FAM168A: variants seen among roughly 807,000 people sequenced by gnomAD.
The protein encoded by FAM168A is family with sequence similarity 168 member A.
Under a neutral mutation model 28.5 loss-of-function variants are expected in FAM168A, and 3 were observed. That is an observed-to-expected ratio of 0.11 (90% confidence interval 0.05 to 0.27). The LOEUF (loss-of-function observed/expected upper bound fraction) is 0.27. Ranked by LOEUF, FAM168A falls within the 10% of genes least tolerant of loss-of-function variation. The pLI is 1.00. For synonymous variants in FAM168A, 122 were observed against 124.2 expected (o/e 0.98, Z 0.12); for missense variants, 222 against 311.5 (o/e 0.71, Z 2.16).
At chr11:73,592,439 A>G (rs543312589) in intron 1 of FAM168A, among the ~76,000 whole-genome samples, 8 of 152,246 alleles carry the variant, frequency 5.3e-5, no homozygotes, top group Non-Finnish European at 1.0e-4. Context: ...AAAATAGAGA[A>G]AGAAATATGA....
intron 1 of FAM168A, among the ~76,000 whole-genome samples, chr11:73,561,902 C>T (rs79915238): frequency 0.078 from 11,830 of 151,976 alleles, 548 homozygotes; most frequent in Non-Finnish European, 0.11. Flanking sequence ...AATTTCAATT[C>T]TGCAATCTTA....
intron 1 of FAM168A, among the ~76,000 whole-genome samples, chr11:73,506,756 G>C (rs1263112630): frequency 6.6e-6 from 1 of 152,100 alleles, no homozygotes; most frequent in Non-Finnish European, 1.5e-5. Flanking sequence ...TAATGAAACA[G>C]TATTCTGCAC....
intron 1 of FAM168A, among the ~76,000 whole-genome samples, chr11:73,496,110 C>T (rs1854867794): frequency 6.6e-6 from 1 of 152,144 alleles, no homozygotes; most frequent in Non-Finnish European, 1.5e-5. Context: ...CCTGCACCCA[C>T]ACACGCATGA....
At chr11:73,540,015 G>A (rs556927994) in intron 1 of FAM168A, among the ~76,000 whole-genome samples, 2 of 152,282 alleles carry the variant, frequency 1.3e-5, no homozygotes, top group Admixed American at 6.5e-5. Context: ...GAATATATCG[G>A]AGGATGCAAT....
At chr11:73,526,869 A>AG (rs1491533883) in intron 1 of FAM168A, among the ~76,000 whole-genome samples, 4 of 41,318 alleles carry the variant, frequency 9.7e-5, no homozygotes, top group South Asian at 5.8e-4. Flanking sequence ...ACTCCATCTC[A>AG]AAAAAAAAAA....
chr11:73,428,792 T>C (rs1034288297), intron 3 of FAM168A, among the ~76,000 whole-genome samples: 6 of 152,200 alleles, frequency 3.9e-5, no homozygotes, highest in African/African-American at 1.4e-4. Flanking sequence ...AGTGCTGAGA[T>C]ACCATTATAG....
At position 73,404,427 on chromosome 11, in the gene FAM168A, C is replaced by G. The variant is rs1866466827; in HGVS notation, c.*2336G>C. ...ACCTCTGTGATGCACCTGACAAATCCAAAGGTTTCTATTATTATTATCATT... is the reference window on the plus strand; with the variant it reads ...ACCTCTGTGATGCACCTGACAAATCGAAAGGTTTCTATTATTATTATCATT... On this transcript the variant is annotated 3_prime_UTR_variant, in exon 8 of 8. Coordinates refer to ENST00000356467, the MANE Select transcript of FAM168A (RefSeq NM_015159.3). 1 of 152,156 alleles carries G rather than the reference C, an allele frequency of 6.6e-6. No individual in the cohort carries two copies. The highest frequency in any genetic ancestry group is 1.5e-5 in the Non-Finnish European group (1 of 68,040). 9.4% of individuals were successfully genotyped at this position (152,156 alleles called of 1,614,324 possible). A position where few individuals can be genotyped will look rare whatever the true frequency, so the allele number is the denominator to read the frequency against.
chr11:73,512,739 T>TG (rs1281475700), intron 1 of FAM168A, among the ~76,000 whole-genome samples: 2 of 152,120 alleles, frequency 1.3e-5, no homozygotes, highest in Admixed American at 1.3e-4. Flanking sequence ...TAAAATCTAG[T>TG]ACTATCTAGT....
intron 2 of FAM168A, among the ~76,000 whole-genome samples, chr11:73,449,001 G>A (rs1019854284): frequency 2.0e-5 from 3 of 151,628 alleles, no homozygotes; most frequent in Non-Finnish European, 2.9e-5. Flanking sequence ...TTTGAGATGG[G>A]GTCTTGCTGT....
At chr11:73,427,843 G>A (rs1866916825) in intron 3 of FAM168A, among the ~76,000 whole-genome samples, 1 of 152,180 alleles carries the variant, frequency 6.6e-6, no homozygotes, top group African/African-American at 2.4e-5. Context: ...GGGGATGAGA[G>A]CCTGGACAAA....
chr11:73,566,397 T>G (rs1442175826), intron 1 of FAM168A, among the ~76,000 whole-genome samples: 1 of 152,202 alleles, frequency 6.6e-6, no homozygotes, highest in African/African-American at 2.4e-5. Flanking sequence ...TCAATAAAAA[T>G]TAAAGCCAAA....
intron 1 of FAM168A, among the ~76,000 whole-genome samples, chr11:73,495,409 A>G (rs1050393121): frequency 6.6e-6 from 1 of 152,216 alleles, no homozygotes; most frequent in Non-Finnish European, 1.5e-5. Flanking sequence ...AGAACAATGC[A>G]GTTTGAGCAA....
At chr11:73,521,691 G>T (rs977104825) in intron 1 of FAM168A, among the ~76,000 whole-genome samples, 1 of 152,090 alleles carries the variant, frequency 6.6e-6, no homozygotes, top group Non-Finnish European at 1.5e-5. Context: ...ATGCTTTAAT[G>T]GTAATAACAA....
At chr11:73,429,847 T>C (rs1247106380) in intron 3 of FAM168A, among the ~76,000 whole-genome samples, 1 of 152,238 alleles carries the variant, frequency 6.6e-6, no homozygotes, top group Non-Finnish European at 1.5e-5. Flanking sequence ...TCTATTCCAG[T>C]ATGGAAGACA....
chr11:73,411,601 G>A, intron 4 of FAM168A, 65 bp from the exon 5 acceptor site: 2 of 1,572,532 alleles, frequency 1.3e-6, no homozygotes, highest in East Asian at 2.3e-5. Flanking sequence ...GAAGGCAGCA[G>A]GTCCCAGTCA....
intron 1 of FAM168A, among the ~76,000 whole-genome samples, chr11:73,514,252 A>C (rs1233889704): frequency 1.3e-5 from 2 of 152,190 alleles, no homozygotes; most frequent in African/African-American, 4.8e-5. Context: ...ACAAAATAAA[A>C]AAAAGGTAGT....
At chr11:73,574,535 G>A (rs1013648421) in intron 1 of FAM168A, among the ~76,000 whole-genome samples, 1 of 152,042 alleles carries the variant, frequency 6.6e-6, no homozygotes, top group Non-Finnish European at 1.5e-5. Flanking sequence ...AGCATCACAT[G>A]AAAATATAAC....
At chr11:73,410,080 A>T (rs1866581004) in intron 5 of FAM168A, among the ~76,000 whole-genome samples, 1 of 152,216 alleles carries the variant, frequency 6.6e-6, no homozygotes, top group African/African-American at 2.4e-5. Flanking sequence ...TAATGGTGTA[A>T]GTGCATGTTG....
chr11:73,597,582 A>G (rs1944451462), intron 1 of FAM168A, among the ~76,000 whole-genome samples: 1 of 150,338 alleles, frequency 6.7e-6, no homozygotes. Flanking sequence ...CTCCCCCATT[A>G]AAAGCCATCC....
Sources: gnomAD v4.1 joint callset for allele counts (sites outside exome capture counted in the v4.1 genomes callset) on GRCh38, gnomAD v4.1.1 for gene constraint, MANE v1.5 for transcripts, NCBI Gene and HGNC (gene_info 2026-07-23, HGNC 2026-07-21) for gene names.